SYNPO: variants seen among roughly 807,000 people sequenced by gnomAD.
SYNPO encodes the protein synaptopodin.
In SYNPO, 19 loss-of-function variants were observed where a neutral mutation model predicts 49.5. That is an observed-to-expected ratio of 0.38 (90% CI 0.27 to 0.56). The LOEUF (loss-of-function observed/expected upper bound fraction) is 0.56. SYNPO is among the 20% of genes least tolerant of loss of function. SYNPO has a pLI of 0.68. For missense variants in SYNPO, 1,131 were observed against 1,248.3 expected (o/e 0.91, Z 1.42); for synonymous variants, 536 against 548.0 (o/e 0.98, Z 0.31).
intron 2 of SYNPO, among the ~76,000 whole-genome samples, chr5:150,629,099 G>A (rs1334161646): frequency 2.6e-5 from 4 of 152,194 alleles, no homozygotes; most frequent in East Asian, 3.9e-4. Flanking sequence ...GCTCACTGCC[G>A]CCTCGACCTC....
chr5:150,641,373 T>A (rs1757899153), intron 1 of SYNPO, among the ~76,000 whole-genome samples: 1 of 152,232 alleles, frequency 6.6e-6, no homozygotes, highest in South Asian at 2.1e-4. Context: ...CCAAGACCCC[T>A]GGACTACCAC....
At chr5:150,590,038 G>A in the SYNPO span, among the ~76,000 whole-genome samples, 87 of 152,354 alleles carry the variant, frequency 5.7e-4, no homozygotes, top group African/African-American at 1.9e-3. Context: ...CAAAGCCCGC[G>A]CAGAGGGCTG....
At chr5:150,634,577 G>C (rs1757645003) in intron 2 of SYNPO, among the ~76,000 whole-genome samples, 1 of 152,042 alleles carries the variant, frequency 6.6e-6, no homozygotes, top group African/African-American at 2.4e-5. Context: ...CCAACACTTG[G>C]AGAGACCAAG....
chr5:150,629,290 C>T (rs1382551597), intron 2 of SYNPO, among the ~76,000 whole-genome samples: 3 of 152,150 alleles, frequency 2.0e-5, no homozygotes, highest in East Asian at 3.9e-4. Flanking sequence ...AGTCACCATG[C>T]CCGGCCTAGG....
chr5:150,597,955 G>A (rs904218998), upstream of SYNPO, among the ~76,000 whole-genome samples: 4 of 152,126 alleles, frequency 2.6e-5, no homozygotes, highest in Non-Finnish European at 4.4e-5. Context: ...AATTTGGCAT[G>A]AATATAATGA....
upstream of SYNPO, among the ~76,000 whole-genome samples, chr5:150,598,099 A>G (rs1296380803): frequency 1.3e-5 from 2 of 152,078 alleles, no homozygotes; most frequent in Admixed American, 1.3e-4. Context: ...CCCTCGCAAC[A>G]CATCGTGGTC....
chr5:150,619,839 C>G (rs1389653070), intron 2 of SYNPO, among the ~76,000 whole-genome samples: 6 of 152,346 alleles, frequency 3.9e-5, no homozygotes, highest in Non-Finnish European at 8.8e-5. Flanking sequence ...TGATCACCCC[C>G]CATGGCCACC....
At chr5:150,590,682 C>T in the SYNPO span, among the ~76,000 whole-genome samples, 5 of 152,184 alleles carry the variant, frequency 3.3e-5, no homozygotes, top group Non-Finnish European at 7.3e-5. Flanking sequence ...TTTTTCCTCT[C>T]TAAAATAAGA....
In SYNPO at chr5:150,656,429, C is replaced by G. The variant is rs1159820808; in HGVS notation, c.2054C>G (p.Ser685Cys). 6.5e-7 allele frequency: 1 copy of G among 1,532,006 alleles called. No homozygotes were observed. The highest frequency in any genetic ancestry group is 2.5e-5 in the East Asian group (1 of 40,582). The allele number at this position is 1,532,006 out of a possible 1,614,324, so 94.9% of individuals were successfully genotyped here. ...AQDRRESLPT[S>C]PPWTPGASRP... ...GACCGCCGGGAGAGCCTGCCCACCT[C>G]CCCACCCTGGACGCCGGGCGCGTCC... The change falls in exon 3 of 3, where the codon TCC (serine) becomes TGC (cysteine). Residue 685 changes from serine to cysteine, a missense_variant. Transcript: ENST00000307662.
chr5:150,624,649 C>T (rs1180584086), intron 2 of SYNPO: 1 of 174,070 alleles, frequency 5.7e-6, no homozygotes, highest in Non-Finnish European at 1.1e-5. Flanking sequence ...GCGCTAGGGC[C>T]CCGGGGAGCA....
At chr5:150,602,612 T>A (rs1399640430) in intron 1 of SYNPO, among the ~76,000 whole-genome samples, 2 of 152,218 alleles carry the variant, frequency 1.3e-5, no homozygotes, top group Non-Finnish European at 2.9e-5. Flanking sequence ...TGTTTATTTA[T>A]TTTTATTTGT....
chr5:150,620,905 C>CTT (rs1757138673), intron 2 of SYNPO, among the ~76,000 whole-genome samples: 1 of 115,478 alleles, frequency 8.7e-6, no homozygotes, highest in African/African-American at 4.2e-5. Flanking sequence ...TTTTCTCTTT[C>CTT]TTTCTTTCTT....
the SYNPO span, among the ~76,000 whole-genome samples, chr5:150,592,060 G>A: frequency 2.0e-5 from 3 of 152,324 alleles, no homozygotes; most frequent in African/African-American, 7.2e-5. Flanking sequence ...AGCTACTCGG[G>A]AGGCTGAGGT....
At chr5:150,603,855 A>G (rs1028130500) in intron 1 of SYNPO, among the ~76,000 whole-genome samples, 1 of 152,214 alleles carries the variant, frequency 6.6e-6, no homozygotes, top group Admixed American at 6.5e-5. Flanking sequence ...TGATGAGGCT[A>G]AAGCGATTCT....
chr5:150,650,621 T>C (rs1758342354), intron 2 of SYNPO: 1 of 1,445,874 alleles, frequency 6.9e-7, no homozygotes, highest in Non-Finnish European at 9.1e-7. Context: ...TAGAGGGGCA[T>C]CCTCTGGCCT....
exon 2 of SYNPO, chr5:150,618,305 A>T: frequency 6.7e-7 from 1 of 1,486,880 alleles, no homozygotes; most frequent in Non-Finnish European, 9.0e-7. Flanking sequence ...AGCTGGCCCC[A>T]GCCCAGGCCC....
At chr5:150,626,661 A>G (rs1757367830) in intron 2 of SYNPO, among the ~76,000 whole-genome samples, 1 of 152,148 alleles carries the variant, frequency 6.6e-6, no homozygotes, top group African/African-American at 2.4e-5. Context: ...AAAAAAACCA[A>G]CCAAATCAAA....
chr5:150,613,870 A>G (rs942081816), intron 1 of SYNPO, among the ~76,000 whole-genome samples: 3 of 152,166 alleles, frequency 2.0e-5, no homozygotes, highest in Non-Finnish European at 4.4e-5. Context: ...TTAAGCCCTA[A>G]TGCTCAGCAC....
intron 1 of SYNPO, among the ~76,000 whole-genome samples, chr5:150,642,412 G>C (rs1473367572): frequency 1.3e-5 from 2 of 152,226 alleles, no homozygotes; most frequent in African/African-American, 4.8e-5. Context: ...AGAAGTTTAG[G>C]TGGGGAGGCG....
Sources: gnomAD v4.1 joint callset for allele counts (sites outside exome capture counted in the v4.1 genomes callset) on GRCh38, gnomAD v4.1.1 for gene constraint, MANE v1.5 for transcripts, NCBI Gene and HGNC (gene_info 2026-07-23, HGNC 2026-07-21) for gene names.